NUDCD3: variants seen among roughly 807,000 people sequenced by gnomAD.
NUDCD3 encodes nudC domain-containing protein 3.
Under a neutral mutation model 39.7 loss-of-function variants are expected in NUDCD3, and 13 were observed. The ratio of observed to expected loss-of-function variants is 0.33; its 90% CI spans 0.21 to 0.52. NUDCD3 has a LOEUF of 0.52. Ranked by LOEUF, NUDCD3 falls within the 20% of genes least tolerant of loss-of-function variation. The probability of loss-of-function intolerance (pLI) is 0.96; values close to 1 mark genes in which losing one functional copy is unlikely to be tolerated. For synonymous variants in NUDCD3, 175 were observed against 172.4 expected (o/e 1.02, Z -0.12); for missense variants, 453 against 458.1 (o/e 0.99, Z 0.10).
At chr7:44,420,968 CATG>C in intron 3 of NUDCD3, among the ~76,000 whole-genome samples, 1 of 152,176 alleles carries the variant, frequency 6.6e-6, no homozygotes, top group East Asian at 1.9e-4. Flanking sequence ...CAGCTAGCAT[CATG>C]ATGACAGAAT....
intron 2 of NUDCD3, among the ~76,000 whole-genome samples, chr7:44,466,925 C>T (rs550951358): frequency 1.3e-5 from 2 of 152,348 alleles, no homozygotes; most frequent in East Asian, 3.9e-4. Context: ...GTTTCAGACT[C>T]TGCTATGAGG....
intron 2 of NUDCD3, among the ~76,000 whole-genome samples, chr7:44,460,869 T>C (rs1439015987): frequency 2.6e-5 from 4 of 152,224 alleles, no homozygotes; most frequent in Admixed American, 1.3e-4. Context: ...TAGTCAACAC[T>C]TGGCAAAAAC....
At chr7:44,429,395 A>G (rs1487367107) in intron 2 of NUDCD3, among the ~76,000 whole-genome samples, 2 of 152,154 alleles carry the variant, frequency 1.3e-5, no homozygotes, top group Non-Finnish European at 2.9e-5. Flanking sequence ...ATGTGGAGAC[A>G]ATGGGGTGAT....
Position 44,427,611 on chromosome 7 carries a change from A to C in NUDCD3, c.602T>G (p.Val201Gly). 2 of 1,613,398 alleles carry C rather than the reference A, an allele frequency of 1.2e-6. No homozygotes were observed. The highest frequency in any genetic ancestry group is 1.7e-6 in the Non-Finnish European group (2 of 1,179,678). The stretch of plus-strand genomic sequence containing the variant: ...CACGTGCTTGGGTACTGGCACCCTG[A>C]CCTCCAGGTCAGTATAGTCCTGTGA... The part of the protein sequence containing the change: ...TWSQDYTDLE[V>G]RVPVPKHVVK... The change falls in exon 3 of 6, where the codon GTC becomes GGC. Residue 201 changes from valine to glycine, a missense_variant. Physicochemically the swap from Val to Gly is moderately radical, Grantham distance 109 (BLOSUM62 -3). Coordinates refer to ENST00000355451, the MANE Select transcript of NUDCD3 (RefSeq NM_015332.4).
chr7:44,407,581 A>C (rs1446951237), intron 3 of NUDCD3, among the ~76,000 whole-genome samples: 3 of 151,670 alleles, frequency 2.0e-5, no homozygotes, highest in East Asian at 1.9e-4. Flanking sequence ...AAAAAAAAAA[A>C]AAAAACTAGA....
rs540630443 is a variant in NUDCD3, at chr7:44,385,982, C to T, written c.*29G>A. The T allele has an allele frequency of 2.6e-6, 3 of 1,149,932 alleles. No individual in the cohort carries two copies. The highest frequency in any genetic ancestry group is 4.0e-6 in the Non-Finnish European group (3 of 757,188). The allele number at this position is 1,149,932 out of a possible 1,614,324, so 71.2% of individuals were successfully genotyped here. Reference sequence around the variant, plus strand: ...CCGAGGATAAGGCTCTGCCTCCCCACCGGCGAGGGTTTCCTTTCCTTCTGG... The same window carrying T: ...CCGAGGATAAGGCTCTGCCTCCCCATCGGCGAGGGTTTCCTTTCCTTCTGG... On this transcript the variant is annotated 3_prime_UTR_variant, in exon 6 of 6. Coordinates refer to ENST00000355451, the MANE Select transcript of NUDCD3 (RefSeq NM_015332.4).
rs963270199 is a variant in NUDCD3, at chr7:44,423,352, GTC to G, written c.642+4217_642+4218del. On this transcript the variant is annotated intron_variant, in intron 3 of 5. Transcript: ENST00000355451. ...AAATAGGAAGGGAGGAAGTCAAATT[GTC>G]TCTGTTTGCAGATGACATGATCGTA... 4.8e-4 allele frequency among the ~76,000 whole-genome samples: 73 copies of G among 152,266 alleles called. 1 individual carries two copies. The Middle Eastern group carries it at 0.01, about 21-fold the overall frequency.
At chr7:44,430,474 GACT>G (rs1799335531) in intron 2 of NUDCD3, among the ~76,000 whole-genome samples, 1 of 152,008 alleles carries the variant, frequency 6.6e-6, no homozygotes, top group Non-Finnish European at 1.5e-5. Context: ...GGAAACTGGA[GACT>G]TCTCTTCATT....
At chr7:44,394,702 T>G (rs1000963883) in intron 4 of NUDCD3, among the ~76,000 whole-genome samples, 2 of 152,236 alleles carry the variant, frequency 1.3e-5, no homozygotes, top group Non-Finnish European at 2.9e-5. Context: ...AGTAAGGGCC[T>G]TTTCCAGATT....
intron 2 of NUDCD3, among the ~76,000 whole-genome samples, chr7:44,428,731 G>T (rs1484408357): frequency 6.6e-6 from 1 of 152,290 alleles, no homozygotes; most frequent in African/African-American, 2.4e-5. Flanking sequence ...TCCATAAAAT[G>T]TAACAATGCT....
chr7:44,399,650 C>T (rs1798684836), intron 4 of NUDCD3, among the ~76,000 whole-genome samples: 1 of 152,142 alleles, frequency 6.6e-6, no homozygotes, highest in African/African-American at 2.4e-5. Context: ...GAAAAGCCCA[C>T]TGTTGGTGGG....
intron 2 of NUDCD3, among the ~76,000 whole-genome samples, chr7:44,447,892 G>T (rs1799716381): frequency 6.6e-6 from 1 of 152,180 alleles, no homozygotes; most frequent in African/African-American, 2.4e-5. Flanking sequence ...ATTGCACACA[G>T]AATTGACCAC....
At chr7:44,392,750 T>C (rs975000205) in intron 4 of NUDCD3, among the ~76,000 whole-genome samples, 2 of 152,058 alleles carry the variant, frequency 1.3e-5, no homozygotes, top group African/African-American at 4.8e-5. Context: ...GAAGATGCCT[T>C]TATCCTTCTT....
rs1385149115 is a variant in NUDCD3, at chr7:44,379,446, G to A, written c.*6565C>T. 4 of 152,168 alleles carry A rather than the reference G, an allele frequency of 2.6e-5. No homozygotes were observed. The highest frequency in any genetic ancestry group is 9.7e-5 in the African/African-American group (4 of 41,370). The allele number at this position is 152,168 out of a possible 1,614,324, so 9.4% of individuals were successfully genotyped here. A position where few individuals can be genotyped will look rare whatever the true frequency, so the allele number is the denominator to read the frequency against. ...TCCTAGCTGCTCTGAAGTCGTGAGT[G>A]GGGACAGCAGAGCCTGTTCAGGAGG... On this transcript the variant is annotated 3_prime_UTR_variant, in exon 6 of 6. Coordinates refer to ENST00000355451, the MANE Select transcript of NUDCD3 (RefSeq NM_015332.4).
intron 5 of NUDCD3, among the ~76,000 whole-genome samples, chr7:44,391,281 G>A (rs188047690): frequency 6.6e-6 from 1 of 152,328 alleles, no homozygotes; most frequent in Non-Finnish European, 1.5e-5. Flanking sequence ...CAGGTGAGGA[G>A]AACATGTTGA....
At chr7:44,427,006 G>A (rs1799249048) in intron 3 of NUDCD3, among the ~76,000 whole-genome samples, 1 of 152,036 alleles carries the variant, frequency 6.6e-6, no homozygotes, top group African/African-American at 2.4e-5. Flanking sequence ...CCATACACGG[G>A]GAGGTGCTAC....
At chr7:44,411,706 GTACAACCACTTTGGAAAACTGT>G (rs1449206030) in intron 3 of NUDCD3, among the ~76,000 whole-genome samples, 1 of 152,182 alleles carries the variant, frequency 6.6e-6, no homozygotes, top group Non-Finnish European at 1.5e-5. Flanking sequence ...ATATAAAATG[GTACAACCACTTTGGAAAACTGT>G]TTGACAGTTC....
At chr7:44,446,875 G>A (rs752074262) in intron 2 of NUDCD3, among the ~76,000 whole-genome samples, 64 of 152,192 alleles carry the variant, frequency 4.2e-4, no homozygotes, top group Admixed American at 6.5e-4. Context: ...AAATAAGTAA[G>A]TAAAACAATG....
At chr7:44,438,034 A>C (rs1266956737) in intron 2 of NUDCD3, among the ~76,000 whole-genome samples, 1 of 152,196 alleles carries the variant, frequency 6.6e-6, no homozygotes, top group Non-Finnish European at 1.5e-5. Context: ...AAATTAGATA[A>C]TCTACGCCAT....
Sources: gnomAD v4.1 joint callset for allele counts (sites outside exome capture counted in the v4.1 genomes callset) on GRCh38, gnomAD v4.1.1 for gene constraint, MANE v1.5 for transcripts, NCBI Gene and HGNC (gene_info 2026-07-23, HGNC 2026-07-21) for gene names.